CCDC170: variants seen among roughly 807,000 people sequenced by gnomAD.
CCDC170 encodes coiled-coil domain containing 170, also known as coiled-coil domain-containing protein 170.
In CCDC170, 69 loss-of-function variants were observed where a neutral mutation model predicts 72.6. The observed-to-expected ratio is 0.95, with a 90% CI of 0.78 to 1.16. CCDC170 has a LOEUF of 1.16. Among genes scored for constraint, CCDC170 ranks in the 50% most tolerant of loss-of-function variants. The pLI is 0.00. For missense variants in CCDC170, 852 were observed against 832.5 expected, an observed-to-expected ratio of 1.02 and a Z score of -0.29; for synonymous variants, 300 against 303.9, an observed-to-expected ratio of 0.99 and a Z score of 0.13.
In CCDC170 at chr6:151,566,984, G is replaced by A. The variant is rs183735785; in HGVS notation, c.775-6190G>A. On this transcript the variant is annotated intron_variant, in intron 5 of 10. Transcript: ENST00000239374. The stretch of plus-strand genomic sequence containing the variant: ...TGCCCAGGCTGGAGTGCAATGGTGC[G>A]ATCTCAGCTCACTGCAACTTCTGCC... Among the ~76,000 whole-genome samples the A allele has an allele frequency of 7.4e-4, 113 of 152,116 alleles. 1 individual carries two copies. The highest frequency in any genetic ancestry group is 1.1e-3 in the African/African-American group (46 of 41,482).
intron 1 of CCDC170, 122 bp from the exon 2 acceptor site, chr6:151,536,196 C>T: frequency 8.9e-7 from 1 of 1,122,994 alleles, no homozygotes; most frequent in Non-Finnish European, 1.3e-6. Flanking sequence ...CTCTGCGTAG[C>T]ATGTTTGACA....
At chr6:151,507,093 T>C (rs1782076760) in intron 1 of CCDC170, among the ~76,000 whole-genome samples, 1 of 152,046 alleles carries the variant, frequency 6.6e-6, no homozygotes. Flanking sequence ...CTTCCATGCT[T>C]GAGGGGTTTG....
chr6:151,572,400 C>A (rs915668729), intron 5 of CCDC170, among the ~76,000 whole-genome samples: 4 of 152,054 alleles, frequency 2.6e-5, no homozygotes, highest in African/African-American at 9.7e-5. Flanking sequence ...CATCTTTATT[C>A]AAATAATTGT....
chr6:151,519,612 T>C (rs1334905526), intron 1 of CCDC170, among the ~76,000 whole-genome samples: 1 of 152,216 alleles, frequency 6.6e-6, no homozygotes, highest in Non-Finnish European at 1.5e-5. Flanking sequence ...AACTGATACA[T>C]GTCCATATTA....
At chr6:151,611,539 A>G (rs1296378701) in intron 9 of CCDC170, among the ~76,000 whole-genome samples, 1 of 152,102 alleles carries the variant, frequency 6.6e-6, no homozygotes, top group East Asian at 1.9e-4. Flanking sequence ...CCCATTCAAG[A>G]TGGCTCTGCC....
At chr6:151,562,656 G>A (rs138616075) in intron 5 of CCDC170, among the ~76,000 whole-genome samples, 2 of 152,092 alleles carry the variant, frequency 1.3e-5, no homozygotes, top group Admixed American at 1.3e-4. Context: ...AGAGTCCTGG[G>A]GCACTTATTT....
At chr6:151,578,813 A>G (rs1776341757) in intron 6 of CCDC170, among the ~76,000 whole-genome samples, 1 of 152,186 alleles carries the variant, frequency 6.6e-6, no homozygotes, top group African/African-American at 2.4e-5. Context: ...ATTGGAAAAG[A>G]GTTTATGTCT....
At chr6:151,532,745 A>G (rs1476457948) in intron 1 of CCDC170, among the ~76,000 whole-genome samples, 1 of 152,240 alleles carries the variant, frequency 6.6e-6, no homozygotes, top group Non-Finnish European at 1.5e-5. Context: ...CAGTAACAAT[A>G]TCGACAAAAT....
intron 1 of CCDC170, among the ~76,000 whole-genome samples, chr6:151,503,609 C>T (rs1176637861): frequency 6.6e-6 from 1 of 151,926 alleles, no homozygotes; most frequent in African/African-American, 2.4e-5. Context: ...TGCACCACCA[C>T]GCCCAGCAAA....
At chr6:151,615,229 G>A (rs1430204644) in intron 9 of CCDC170, among the ~76,000 whole-genome samples, 1 of 152,040 alleles carries the variant, frequency 6.6e-6, no homozygotes, top group Non-Finnish European at 1.5e-5. Flanking sequence ...TTCAAATAAG[G>A]GTACTCTAAT....
chr6:151,584,804 AG>A (rs1776429683), intron 6 of CCDC170, among the ~76,000 whole-genome samples: 1 of 152,332 alleles, frequency 6.6e-6, no homozygotes, highest in East Asian at 1.9e-4. Flanking sequence ...CCTTTCAAAA[AG>A]TTTAAAGGCA....
At chr6:151,552,632 A>G (rs985575668) in intron 5 of CCDC170, among the ~76,000 whole-genome samples, 1 of 152,146 alleles carries the variant, frequency 6.6e-6, no homozygotes, top group Non-Finnish European at 1.5e-5. Context: ...TTTGTCCGGC[A>G]GAAGCTCCTT....
rs377313243 is a variant in CCDC170 at position 151,498,870 on chromosome 6, T to G, written c.57+4685T>G. ...TAGGCACGCTGTATAAGTGGAATCA[T>G]ACTGTATTTGACTATTCTAAGCACT... On this transcript the variant is annotated intron_variant, in intron 1 of 10. Coordinates refer to ENST00000239374, the MANE Select transcript of CCDC170 (RefSeq NM_025059.4). Among the ~76,000 whole-genome samples, 273 of 118,768 alleles carry G rather than the reference T, an allele frequency of 2.3e-3. No homozygotes were observed. The Middle Eastern group carries it at 0.025, about 11-fold the overall frequency. The allele number at this position is 118,768 out of a possible 152,430, so 77.9% of individuals were successfully genotyped here.
chr6:151,585,746 A>G (rs1776442259), intron 6 of CCDC170, 143 bp from the exon 7 acceptor site: 1 of 664,886 alleles, frequency 1.5e-6, no homozygotes, highest in South Asian at 2.6e-5. Context: ...ACAGCTATCA[A>G]TTACATATTT....
At chr6:151,549,971 G>T (rs1269429020) in intron 5 of CCDC170, among the ~76,000 whole-genome samples, 1 of 151,948 alleles carries the variant, frequency 6.6e-6, no homozygotes, top group Non-Finnish European at 1.5e-5. Context: ...TAGACTCGCT[G>T]GGCCAAAGGA....
At chr6:151,545,879 C>T (rs1004152023) in intron 4 of CCDC170, among the ~76,000 whole-genome samples, 4 of 152,178 alleles carry the variant, frequency 2.6e-5, no homozygotes, top group Admixed American at 1.3e-4. Flanking sequence ...AGCAATTACC[C>T]CACCTCTGCC....
intron 9 of CCDC170, among the ~76,000 whole-genome samples, chr6:151,604,982 G>A (rs573075213): frequency 5.7e-4 from 87 of 152,154 alleles, no homozygotes; most frequent in African/African-American, 1.9e-3. Context: ...GCTTTAGAAC[G>A]CTAAAACTTA....
At chr6:151,561,956 T>C (rs1333547014) in intron 5 of CCDC170, among the ~76,000 whole-genome samples, 1 of 152,200 alleles carries the variant, frequency 6.6e-6, no homozygotes, top group Non-Finnish European at 1.5e-5. Context: ...ACTTGGTTAA[T>C]TAGAAAGACT....
At chr6:151,521,585 A>T (rs1782316337) in intron 1 of CCDC170, among the ~76,000 whole-genome samples, 2 of 152,164 alleles carry the variant, frequency 1.3e-5, no homozygotes, top group South Asian at 4.2e-4. Context: ...GGAACAAGTT[A>T]ATAATGTTTA....
Sources: gnomAD v4.1 joint callset for allele counts (sites outside exome capture counted in the v4.1 genomes callset) on GRCh38, gnomAD v4.1.1 for gene constraint, MANE v1.5 for transcripts, NCBI Gene and HGNC (gene_info 2026-07-23, HGNC 2026-07-21) for gene names.